The following ZNF551 variants were observed in gnomAD, a reference collection of about 807,000 sequenced individuals.
The protein encoded by ZNF551 is zinc finger protein 551.
A neutral mutation model predicts 7.9 loss-of-function variants in ZNF551; 5 were observed. The observed-to-expected ratio is 0.63, with a 90% CI of 0.33 to 1.33. ZNF551 has a LOEUF of 1.33. Among genes scored for constraint, ZNF551 ranks in the 40% most tolerant of loss-of-function variants. The probability of loss-of-function intolerance (pLI) is 0.05; values close to 1 mark genes in which losing one functional copy is unlikely to be tolerated. For missense variants in ZNF551, 788 were observed against 825.2 expected (o/e 0.95, Z 0.55); for synonymous variants, 287 against 277.3 (o/e 1.03, Z -0.35).
chr19:57,682,299 C>T (rs1984410677), intron 1 of ZNF551, 55 bp downstream of exon 1: 37 of 1,517,770 alleles, frequency 2.4e-5, no homozygotes, highest in Non-Finnish European at 2.9e-5. Context: ...AGCCTTAAGG[C>T]CCAGTGAGGG....
intron 1 of ZNF551, among the ~76,000 whole-genome samples, chr19:57,683,677 G>A (rs1172044077): frequency 6.6e-6 from 1 of 152,170 alleles, no homozygotes; most frequent in Non-Finnish European, 1.5e-5. Flanking sequence ...GTCAAGGACA[G>A]GTCTCCTGTG....
At chr19:57,682,346 C>T (rs1984412824) in intron 1 of ZNF551, 102 bp downstream of exon 1, 16 of 1,274,914 alleles carry the variant, frequency 1.3e-5, no homozygotes, top group Non-Finnish European at 1.5e-5. Flanking sequence ...GGCCCCAGTA[C>T]CCTGGACAAG....
chr19:57,683,087 G>A (rs1984442033), intron 1 of ZNF551, among the ~76,000 whole-genome samples: 1 of 152,222 alleles, frequency 6.6e-6, no homozygotes, highest in South Asian at 2.1e-4. Flanking sequence ...AATAGTAACA[G>A]TGGGAGGTTT....
rs763720214 is a variant in ZNF551 at position 57,686,905 on chromosome 19, C to T, written c.630C>T (p.Ser210=). The change falls in exon 3 of 3, where the codon AGC becomes AGT. Residue 210 remains serine, a synonymous_variant. Transcript: ENST00000282296. ...GTGAGGAGCCACACAGTAGCAGCAG[C>T]AAGCATATACAGGCATTTTTCAATG... The part of the protein sequence containing the change: ...PSGEEPHSSS[S]KHIQAFFNAK... 2 of 1,614,140 alleles carry T rather than the reference C, an allele frequency of 1.2e-6. No homozygotes were observed. The highest frequency in any genetic ancestry group is 1.1e-5 in the South Asian group (1 of 91,082).
At position 57,686,656 on chromosome 19, in the gene ZNF551, T is replaced by C; in HGVS notation, c.381T>C (p.Pro127=). The change falls in exon 3 of 3, where the codon CCT becomes CCC. Residue 127 remains proline, a synonymous_variant. Coordinates refer to ENST00000282296, the MANE Select transcript of ZNF551 (RefSeq NM_138347.5). ...LPAAEHQTTS[P]VQKSYLGSTS... Reference sequence around the variant, plus strand: ...CGGCTGAGCACCAAACCACATCCCCTGTGCAAAAGTCATACTTGGGTAGCA... The same window carrying C: ...CGGCTGAGCACCAAACCACATCCCCCGTGCAAAAGTCATACTTGGGTAGCA... 1 of 1,614,208 alleles carries C rather than the reference T, an allele frequency of 6.2e-7. No individual in the cohort carries two copies. Among genetic ancestry groups the C allele is most frequent in the Non-Finnish European group, 8.5e-7 (1 of 1,180,036 alleles).
Position 57,687,502 on chromosome 19 carries a change from T to C in ZNF551, c.1227T>C (p.His409=), listed in dbSNP as rs1984610029. The C allele has an allele frequency of 6.2e-7, 1 of 1,613,726 alleles. No individual in the cohort carries two copies. Among genetic ancestry groups the C allele is most frequent in the Non-Finnish European group, 8.5e-7 (1 of 1,179,864 alleles). ...SFRQIFNLIR[H]RRVHTGEMPY... ...GACAAATCTTCAATCTCATTCGACA[T>C]AGAAGAGTTCACACTGGAGAAATGC... is the stretch of plus-strand genomic sequence containing the variant. Residue 409 remains histidine, a synonymous_variant, in exon 3 of 3, where the codon CAT becomes CAC. Coordinates refer to ENST00000282296, the MANE Select transcript of ZNF551 (RefSeq NM_138347.5).
intron 2 of ZNF551, 147 bp downstream of exon 2, chr19:57,685,532 T>C: frequency 2.3e-6 from 3 of 1,291,804 alleles, no homozygotes; most frequent in South Asian, 2.5e-5. Context: ...TCATGGTACC[T>C]TGTGGCCCAG....
At chr19:57,684,931 T>G (rs1249139650) in intron 1 of ZNF551, among the ~76,000 whole-genome samples, 1 of 152,188 alleles carries the variant, frequency 6.6e-6, no homozygotes, top group African/African-American at 2.4e-5. Flanking sequence ...TCTTGGGGAC[T>G]TCACGGGTAT....
rs772352170 is a variant in ZNF551, at chr19:57,688,004, C to T, written c.1729C>T (p.His577Tyr). ...TAGCCAAAGTGCTAGCCTCATTCAACACCAGAGAGTTCACACTGGAGAAAG... is the reference window on the plus strand; with the variant it reads ...TAGCCAAAGTGCTAGCCTCATTCAATACCAGAGAGTTCACACTGGAGAAAG... ...SFSQSASLIQ[H>Y]QRVHTGERPY... The change falls in exon 3 of 3, where the codon CAC (histidine) becomes TAC (tyrosine). Residue 577 changes from histidine (H) to tyrosine (Y), a missense_variant. Physicochemically the swap from His to Tyr is moderately conservative, Grantham distance 83. Transcript: ENST00000282296. 4 of 1,614,194 alleles carry T rather than the reference C, an allele frequency of 2.5e-6. No individual in the cohort carries two copies. The South Asian group carries it at 3.3e-5, about 13-fold the overall frequency.
At position 57,687,270 on chromosome 19, in the gene ZNF551, G is replaced by A. The variant is rs746561804; in HGVS notation, c.995G>A (p.Gly332Glu). Residue 332 changes from glycine (G) to glutamate (E), a missense_variant, in exon 3 of 3, where the codon GGA becomes GAA. Transcript: ENST00000282296. ...CACCACCAGAGACGTCACACTGGAG[G>A]AGTGCGTCATGAGTGTGGTGAATGT... ...FIHHQRRHTG[G>E]VRHECGECRK... The A allele has an allele frequency of 6.2e-7, 1 of 1,613,920 alleles. No homozygotes were observed. Among genetic ancestry groups the A allele is most frequent in the East Asian group, 2.2e-5 (1 of 44,878 alleles).
In ZNF551 at chr19:57,685,378, A is replaced by G. The variant is rs1408625456; in HGVS notation, c.198A>G (p.Thr66=). Residue 66 remains threonine, a synonymous_variant, in exon 2 of 3, where the codon ACA becomes ACG. Coordinates refer to ENST00000282296, the MANE Select transcript of ZNF551 (RefSeq NM_138347.5). ...DVMLENFAHV[T]SLGYCHGMEN... ...TGCTGGAGAACTTTGCACATGTAAC[A>G]TCCCTGGGTAAGGCCCTAGCATCCC... is the stretch of plus-strand genomic sequence containing the variant. 1.2e-6 allele frequency: 2 copies of G among 1,614,088 alleles called. No homozygotes were observed. The highest frequency in any genetic ancestry group is 1.1e-5 in the South Asian group (1 of 91,084).
Position 57,688,228 on chromosome 19 carries a change from C to T in ZNF551, c.1953C>T (p.Ser651=). The T allele has an allele frequency of 6.2e-7, 1 of 1,614,220 alleles. No homozygotes were observed. Among genetic ancestry groups the T allele is most frequent in the Non-Finnish European group, 8.5e-7 (1 of 1,180,030 alleles). The stretch of plus-strand genomic sequence containing the variant: ...ATGAATGCAGTGAATGTGGGAAATC[C>T]TTTAGCCGCAAATCTAACCTCATTC... ...RPYECSECGK[S]FSRKSNLIRH... is the part of the protein sequence containing the mutation. Residue 651 remains serine, a synonymous_variant, in exon 3 of 3, where the codon TCC becomes TCT. Transcript: ENST00000282296.
chr19:57,683,444 A>G (rs1015240357), intron 1 of ZNF551, among the ~76,000 whole-genome samples: 2 of 152,210 alleles, frequency 1.3e-5, no homozygotes, highest in African/African-American at 4.8e-5. Flanking sequence ...TTGGGATATC[A>G]GAAGTTTTAT....
In ZNF551 at chr19:57,689,006, AC is replaced by A. The variant is rs1185766379; in HGVS notation, c.*719del. 1.3e-5 allele frequency: 2 copies of A among 152,380 alleles called. No homozygotes were observed. The highest frequency in any genetic ancestry group is 2.9e-5 in the Non-Finnish European group (2 of 68,198). 9.4% of individuals were successfully genotyped at this position (152,380 alleles called of 1,614,324 possible). On this transcript the variant is annotated 3_prime_UTR_variant, in exon 3 of 3. Transcript: ENST00000282296. Reference sequence around the variant, plus strand: ...AGAAGGGACAATGTGATGGCAGAAGACAGCTCTTTGTTCTGTATTGCTCTAA... The same window carrying A: ...AGAAGGGACAATGTGATGGCAGAAGAAGCTCTTTGTTCTGTATTGCTCTAA...
At chr19:57,682,968 A>G (rs1418300623) in intron 1 of ZNF551, among the ~76,000 whole-genome samples, 1 of 152,262 alleles carries the variant, frequency 6.6e-6, no homozygotes, top group Non-Finnish European at 1.5e-5. Context: ...GGAGGCTAAG[A>G]TAGTTCAGGA....
At chr19:57,684,473 G>A (rs889444047) in intron 1 of ZNF551, among the ~76,000 whole-genome samples, 1 of 152,162 alleles carries the variant, frequency 6.6e-6, no homozygotes, top group South Asian at 2.1e-4. Context: ...GCCATGGTCT[G>A]TTGTCTTCCA....
In ZNF551 at chr19:57,686,960, A is replaced by C. The variant is rs778050575; in HGVS notation, c.685A>C (p.Arg229=). The change falls in exon 3 of 3, where the codon AGA becomes CGA. Residue 229 remains arginine (R), a synonymous_variant. Coordinates refer to ENST00000282296, the MANE Select transcript of ZNF551 (RefSeq NM_138347.5). ...AKSYYKWGEY[R]KASSHKHTLV... ...AAGTTATTACAAGTGGGGTGAATAC[A>C]GAAAAGCTTCAAGCCACAAACACAC... 6.2e-7 allele frequency: 1 copy of C among 1,614,116 alleles called. No homozygotes were observed. The highest frequency in any genetic ancestry group is 8.5e-7 in the Non-Finnish European group (1 of 1,180,058).
chr19:57,688,454 C>A lies in ZNF551; in HGVS notation c.*166C>A. The A allele has an allele frequency of 2.1e-6, 2 of 964,466 alleles. No homozygotes were observed. Among genetic ancestry groups the A allele is most frequent in the East Asian group, 2.6e-5 (1 of 38,226 alleles). The allele number at this position is 964,466 out of a possible 1,614,324, so 59.7% of individuals were successfully genotyped here. A position where few individuals can be genotyped will look rare whatever the true frequency, so the allele number is the denominator to read the frequency against. ...AGGTTCATTGTAATTTCTAATCTGC[C>A]GAGGCCTATAGCCTGATTTATGTCA... is the stretch of plus-strand genomic sequence containing the variant. On this transcript the variant is annotated 3_prime_UTR_variant, in exon 3 of 3. Transcript: ENST00000282296.
rs1984667821 is a variant in ZNF551 at position 57,688,653 on chromosome 19, C to T, written c.*365C>T. 2 of 217,480 alleles carry T rather than the reference C, an allele frequency of 9.2e-6. No individual in the cohort carries two copies. The highest frequency in any genetic ancestry group is 1.9e-5 in the Non-Finnish European group (2 of 107,190). 13.5% of individuals were successfully genotyped at this position (217,480 alleles called of 1,614,324 possible). ...AGCATGTAGGGTCTTCATGTCTTTT[C>T]TCTGACTTTAGAGTATACACCTGAC... On this transcript the variant is annotated 3_prime_UTR_variant, in exon 3 of 3. Transcript: ENST00000282296.
Sources: gnomAD v4.1 joint callset for allele counts (sites outside exome capture counted in the v4.1 genomes callset) on GRCh38, gnomAD v4.1.1 for gene constraint, MANE v1.5 for transcripts, NCBI Gene and HGNC (gene_info 2026-07-23, HGNC 2026-07-21) for gene names.